The following TTLL11 variants were observed in gnomAD, a reference collection of about 807,000 sequenced individuals.
TTLL11 encodes the protein tubulin tyrosine ligase like 11.
Under a neutral mutation model 51.7 loss-of-function variants are expected in TTLL11, and 42 were observed. That is an observed-to-expected ratio of 0.81 (90% CI 0.64 to 1.05). The LOEUF (loss-of-function observed/expected upper bound fraction) is 1.05. Ranked by LOEUF, TTLL11 falls within the 50% of genes least tolerant of loss-of-function variation. The pLI is 0.00. For missense variants in TTLL11, 799 were observed against 940.4 expected, an observed-to-expected ratio of 0.85 and a Z score of 1.97; for synonymous variants, 381 against 383.5, an observed-to-expected ratio of 0.99 and a Z score of 0.08.
chr9:121,967,469 C>T (rs928515875), intron 6 of TTLL11, among the ~76,000 whole-genome samples: 7 of 152,042 alleles, frequency 4.6e-5, no homozygotes, highest in Admixed American at 6.5e-5. Flanking sequence ...GTGATCCACC[C>T]GCTTCGGCCT....
At chr9:121,871,236 TA>T (rs1838346550) in intron 6 of TTLL11, among the ~76,000 whole-genome samples, 2 of 151,858 alleles carry the variant, frequency 1.3e-5, no homozygotes, top group African/African-American at 4.8e-5. Flanking sequence ...TTTTTTTTTT[TA>T]AATTTGGAAT....
intron 1 of TTLL11, among the ~76,000 whole-genome samples, chr9:122,051,566 C>T (rs931752804): frequency 6.6e-6 from 1 of 152,182 alleles, no homozygotes; most frequent in Non-Finnish European, 1.5e-5. Flanking sequence ...ACACCCACAG[C>T]TGCTGACCAC....
chr9:121,978,682 T>C (rs937566949), intron 4 of TTLL11, among the ~76,000 whole-genome samples: 3 of 151,486 alleles, frequency 2.0e-5, no homozygotes, highest in Admixed American at 2.0e-4. Context: ...CCCTGGGGGG[T>C]TTAAAGATAT....
intron 3 of TTLL11, among the ~76,000 whole-genome samples, chr9:122,004,671 C>T (rs1588197036): frequency 6.6e-6 from 1 of 152,256 alleles, no homozygotes; most frequent in East Asian, 1.9e-4. Flanking sequence ...TATGAGATAG[C>T]GATTATTTGA....
At chr9:121,888,372 G>A (rs758435587) in intron 6 of TTLL11, among the ~76,000 whole-genome samples, 2 of 152,200 alleles carry the variant, frequency 1.3e-5, no homozygotes, top group Admixed American at 6.5e-5. Flanking sequence ...TGGGAGGTGT[G>A]GCTTGTTCAA....
Position 122,001,181 on chromosome 9 carries a change from G to A in TTLL11, c.694-11411C>T, listed in dbSNP as rs115685221. On this transcript the variant is annotated intron_variant, in intron 3 of 8. Coordinates refer to ENST00000321582, the MANE Select transcript of TTLL11 (RefSeq NM_001139442.2). ...CGTGATCTCGGCTCATTGCAACTGC[G>A]GCCTCCGAGGTTCAAGTGACTCTCC... Among the ~76,000 whole-genome samples the A allele has an allele frequency of 8.3e-3, 1,265 of 152,064 alleles. 18 individuals are homozygous for A. Among genetic ancestry groups the A allele is most frequent in the African/African-American group, 0.029 (1,210 of 41,472 alleles).
intron 1 of TTLL11, among the ~76,000 whole-genome samples, chr9:122,080,696 A>C (rs1021564778): frequency 6.6e-6 from 1 of 152,176 alleles, no homozygotes; most frequent in African/African-American, 2.4e-5. Flanking sequence ...TTGTCTCTAA[A>C]GACAAAAAAA....
intron 3 of TTLL11, among the ~76,000 whole-genome samples, chr9:122,011,206 G>A (rs1462748269): frequency 1.3e-5 from 2 of 152,048 alleles, no homozygotes; most frequent in Non-Finnish European, 2.9e-5. Flanking sequence ...CTTCCGCCAC[G>A]ATTGTGAGGC....
At chr9:121,948,118 G>T (rs181796644) in intron 6 of TTLL11, among the ~76,000 whole-genome samples, 1 of 152,262 alleles carries the variant, frequency 6.6e-6, no homozygotes, top group East Asian at 1.9e-4. Flanking sequence ...TTAGCTCATT[G>T]CATCCTCTTA....
intron 1 of TTLL11, among the ~76,000 whole-genome samples, chr9:122,089,384 C>T (rs1360828090): frequency 1.3e-5 from 2 of 152,160 alleles, no homozygotes; most frequent in African/African-American, 2.4e-5. Flanking sequence ...CCAATATCAC[C>T]TCATAACAGA....
At chr9:122,025,591 T>C (rs1281582963) in intron 3 of TTLL11, among the ~76,000 whole-genome samples, 1 of 152,060 alleles carries the variant, frequency 6.6e-6, no homozygotes, top group African/African-American at 2.4e-5. Flanking sequence ...CTGCACTCCA[T>C]CCTGGGGGAC....
Position 121,943,121 on chromosome 9 carries a change from A to G in TTLL11, c.1481+30888T>C, listed in dbSNP as rs184292406. On this transcript the variant is annotated intron_variant, in intron 6 of 8. Coordinates refer to ENST00000321582, the MANE Select transcript of TTLL11 (RefSeq NM_001139442.2). ...CCTTGGGTGACCTTGACTCACCCCC[A>G]TCCGGAGGCAGGTTTGAATTAACAA... is the stretch of plus-strand genomic sequence containing the variant. Among the ~76,000 whole-genome samples, 41 of 152,348 alleles carry G rather than the reference A, an allele frequency of 2.7e-4. No individual in the cohort carries two copies. In the East Asian group the frequency reaches 7.5e-3, roughly 28 times the overall value.
chr9:121,988,365 G>A (rs984807656), intron 4 of TTLL11, among the ~76,000 whole-genome samples: 3 of 147,036 alleles, frequency 2.0e-5, no homozygotes, highest in African/African-American at 7.7e-5. Context: ...CCACCCCCCC[G>A]AACCAATACC....
chr9:121,944,380 C>T (rs2131587920), intron 6 of TTLL11, among the ~76,000 whole-genome samples: 1 of 152,126 alleles, frequency 6.6e-6, no homozygotes, highest in African/African-American at 2.4e-5. Context: ...TGGTGGCAGG[C>T]ACCTGTAGTC....
Position 121,900,425 on chromosome 9 carries a change from T to C in TTLL11, c.1482-29677A>G, listed in dbSNP as rs139608368. Among the ~76,000 whole-genome samples the C allele has an allele frequency of 4.2e-3, 641 of 152,370 alleles. 4 individuals carry two copies. Among genetic ancestry groups the C allele is most frequent in the African/African-American group, 0.014 (588 of 41,590 alleles). On this transcript the variant is annotated intron_variant, in intron 6 of 8. Transcript: ENST00000321582. Reference sequence around the variant, plus strand: ...GGTAGCTTTTATGATCTTTTCTTTGTCTTTGTTATTTAGCAGTTTCACAGT... The same window carrying C: ...GGTAGCTTTTATGATCTTTTCTTTGCCTTTGTTATTTAGCAGTTTCACAGT...
intron 8 of TTLL11, among the ~76,000 whole-genome samples, chr9:121,841,891 A>T (rs1367039442): frequency 6.6e-6 from 1 of 151,938 alleles, no homozygotes; most frequent in Non-Finnish European, 1.5e-5. Context: ...CCTGGGAGTT[A>T]AAATTGTCCC....
chr9:121,832,151 T>C (rs1837036566), intron 8 of TTLL11, among the ~76,000 whole-genome samples: 1 of 152,118 alleles, frequency 6.6e-6, no homozygotes, highest in Non-Finnish European at 1.5e-5. Context: ...TGGAGGATAG[T>C]TAGGATTTCA....
intron 6 of TTLL11, among the ~76,000 whole-genome samples, chr9:121,893,664 ATCCC>A (rs1420508563): frequency 7.9e-5 from 12 of 152,142 alleles, no homozygotes; most frequent in African/African-American, 2.9e-4. Flanking sequence ...TACGTCTGCT[ATCCC>A]ATTCCTCTGC....
rs116009560 is a variant in TTLL11, at chr9:121,992,587, A to C, written c.694-2817T>G. Among the ~76,000 whole-genome samples, 1,249 of 152,354 alleles carry C rather than the reference A, an allele frequency of 8.2e-3. 20 individuals carry two copies. The highest frequency in any genetic ancestry group is 0.028 in the African/African-American group (1,146 of 41,576). ...CATCTGAAACCAACATATTGAATGA[A>C]GTATTCTGCACTGGTGTTAGCTGGA... On this transcript the variant is annotated intron_variant, in intron 3 of 8. Transcript: ENST00000321582.
Sources: gnomAD v4.1 joint callset for allele counts (sites outside exome capture counted in the v4.1 genomes callset) on GRCh38, gnomAD v4.1.1 for gene constraint, MANE v1.5 for transcripts, NCBI Gene and HGNC (gene_info 2026-07-23, HGNC 2026-07-21) for gene names.